The following VIT variants were observed in gnomAD, a reference collection of about 807,000 sequenced individuals.
The protein encoded by VIT is vitrin.
Under a neutral mutation model 78.0 loss-of-function variants are expected in VIT, and 99 were observed. The observed-to-expected ratio is 1.27, with a 90% CI of 1.08 to 1.50. The LOEUF (loss-of-function observed/expected upper bound fraction) is 1.50, where lower values mean the gene tolerates loss of function less well. VIT is among the 40% of genes most tolerant of loss of function. The pLI is 0.00. For missense variants in VIT, 1,126 were observed against 875.3 expected (o/e 1.29, Z -3.61); for synonymous variants, 374 against 334.3 (o/e 1.12, Z -1.29).
chr2:36,712,409 G>A (rs1341893637), intron 1 of VIT, among the ~76,000 whole-genome samples: 4 of 152,202 alleles, frequency 2.6e-5, no homozygotes, highest in African/African-American at 9.6e-5. Context: ...CTCTAAAGTT[G>A]GAGGACAGAT....
In VIT at chr2:36,808,631, G is replaced by T; in HGVS notation, c.1549G>T (p.Gly517Cys). ...GGCTGACATTGGCTTCGTCATCGACGGCTCCAGCAGTGTGGGGACGGGCAA... is the reference window on the plus strand; with the variant it reads ...GGCTGACATTGGCTTCGTCATCGACTGCTCCAGCAGTGTGGGGACGGGCAA... Reference protein sequence around the residue: ...NSADIGFVIDGSSSVGTGNFR... With the variant: ...NSADIGFVIDCSSSVGTGNFR... Residue 517 changes from glycine (G) to cysteine (C), a missense_variant, in exon 15 of 16, where the codon GGC becomes TGC. Transcript: ENST00000379242. The T allele has an allele frequency of 6.2e-7, 1 of 1,614,212 alleles. No homozygotes were observed. Among genetic ancestry groups the T allele is most frequent in the Non-Finnish European group, 8.5e-7 (1 of 1,180,044 alleles).
At position 36,765,627 on chromosome 2, in the gene VIT, A is replaced by C. The variant is rs915780498; in HGVS notation, c.488-1467A>C. On this transcript the variant is annotated intron_variant, in intron 6 of 15. Coordinates refer to ENST00000379242, the MANE Select transcript of VIT (RefSeq NM_053276.4). ...TTGGGTGGGGACACGGACCCAAACC[A>C]TATCAGAGGTCATATGACGACGGAG... Among the ~76,000 whole-genome samples the C allele has an allele frequency of 6.6e-5, 10 of 152,332 alleles. 1 individual carries two copies. Among genetic ancestry groups the C allele is most frequent in the Admixed American group, 6.5e-5 (1 of 15,304 alleles).
chr2:36,720,979 C>T (rs915910625), intron 2 of VIT, among the ~76,000 whole-genome samples: 2 of 151,586 alleles, frequency 1.3e-5, no homozygotes, highest in African/African-American at 4.9e-5. Flanking sequence ...CTTTACACTC[C>T]AGCCCGGGCA....
At chr2:36,731,951 G>T (rs554077562) in intron 3 of VIT, among the ~76,000 whole-genome samples, 3 of 152,308 alleles carry the variant, frequency 2.0e-5, no homozygotes, top group African/African-American at 7.2e-5. Flanking sequence ...AACCTTCCAT[G>T]TGAGATTTCC....
At chr2:36,793,108 C>T (rs1319577294) in intron 12 of VIT, among the ~76,000 whole-genome samples, 2 of 151,988 alleles carry the variant, frequency 1.3e-5, no homozygotes, top group African/African-American at 4.8e-5. Context: ...GCCAAGATGC[C>T]CCACTTCCCC....
intron 4 of VIT, among the ~76,000 whole-genome samples, chr2:36,745,278 T>G (rs1163027531): frequency 1.3e-5 from 2 of 152,006 alleles, no homozygotes; most frequent in African/African-American, 4.8e-5. Context: ...TTGCTTAGAG[T>G]TTTTTTGGCT....
intron 13 of VIT, among the ~76,000 whole-genome samples, chr2:36,804,584 C>A (rs1178746432): frequency 6.6e-6 from 1 of 152,188 alleles, no homozygotes. Flanking sequence ...GTAATCCCAG[C>A]ACTTTGGGAG....
rs563764132 is a variant in VIT, at chr2:36,790,119, C to T, written c.1058+2843C>T. On this transcript the variant is annotated intron_variant, in intron 12 of 15. Transcript: ENST00000379242. ...GAAAAAGGCAAAGAAAAATATAAGA[C>T]CTATAAAAATGGTCTCATTTACAAA... Among the ~76,000 whole-genome samples, 20 of 152,208 alleles carry T rather than the reference C, an allele frequency of 1.3e-4. No homozygotes were observed. In the South Asian group the frequency reaches 2.9e-3, roughly 22 times the overall value.
At chr2:36,812,027 T>TC (rs1393027928) in intron 15 of VIT, among the ~76,000 whole-genome samples, 7 of 152,258 alleles carry the variant, frequency 4.6e-5, no homozygotes, top group Non-Finnish European at 8.8e-5. Flanking sequence ...GGGCAACCTC[T>TC]CCATCTTTGA....
At chr2:36,718,022 T>C (rs112116608) in intron 2 of VIT, among the ~76,000 whole-genome samples, 1 of 152,182 alleles carries the variant, frequency 6.6e-6, no homozygotes, top group African/African-American at 2.4e-5. Context: ...CATCTTCACA[T>C]GGTATTCTCC....
At chr2:36,726,158 GA>G (rs1016436700) in intron 2 of VIT, among the ~76,000 whole-genome samples, 2 of 151,872 alleles carry the variant, frequency 1.3e-5, no homozygotes, top group African/African-American at 4.8e-5. Flanking sequence ...ATTCTATTTG[GA>G]AATTTATTTT....
intron 7 of VIT, among the ~76,000 whole-genome samples, chr2:36,767,947 T>G (rs1353494179): frequency 1.3e-5 from 2 of 152,232 alleles, no homozygotes; most frequent in Non-Finnish European, 1.5e-5. Flanking sequence ...AGTTCCACTA[T>G]TGTCTTAGCA....
chr2:36,808,983 A>C lies in VIT; in HGVS notation c.1901A>C (p.Lys634Thr). ...VRIPAMAAHL[K>T]GVITYAIGVA... ...ATCCCAGCCATGGCTGCCCATCTGA[A>C]GGGTAAGCTGGGCTTGCCAAGCAGC... is the stretch of plus-strand genomic sequence containing the variant. Residue 634 changes from lysine (K) to threonine (T), a missense_variant and splice_region_variant, in exon 15 of 16, where the codon AAG becomes ACG. Lys to Thr is a moderately conservative substitution (Grantham distance 78, BLOSUM62 -1). Transcript: ENST00000379242. 6.3e-7 allele frequency: 1 copy of C among 1,577,820 alleles called. No homozygotes were observed.
Position 36,712,252 on chromosome 2 carries a change from G to T in VIT, c.-18-4101G>T, listed in dbSNP as rs75576456. Among the ~76,000 whole-genome samples, 634 of 152,278 alleles carry T rather than the reference G, an allele frequency of 4.2e-3. 4 individuals are homozygous for T. The highest frequency in any genetic ancestry group is 0.015 in the African/African-American group (610 of 41,550). ...TGCAGCGGTGAGAAAGAAACTTCAC[G>T]TATTCTAAGATACTAGAGTGATTCT... is the stretch of plus-strand genomic sequence containing the variant. On this transcript the variant is annotated intron_variant, in intron 1 of 15. Transcript: ENST00000379242.
Position 36,770,927 on chromosome 2 carries a change from A to G in VIT, c.680-2864A>G, listed in dbSNP as rs114554618. On this transcript the variant is annotated intron_variant, in intron 7 of 15. Transcript: ENST00000379242. ...GGAATAGCGATGACAGAGATCCTCCACCTCTCTACCCTGGGCTCCACCTTC... is the reference window on the plus strand; with the variant it reads ...GGAATAGCGATGACAGAGATCCTCCGCCTCTCTACCCTGGGCTCCACCTTC... Among the ~76,000 whole-genome samples the G allele has an allele frequency of 7.9e-4, 121 of 152,268 alleles. 1 individual carries two copies. Among genetic ancestry groups the G allele is most frequent in the Non-Finnish European group, 1.5e-3 (100 of 68,022 alleles).
chr2:36,788,379 G>A (rs1452801672), intron 12 of VIT, among the ~76,000 whole-genome samples: 1 of 152,174 alleles, frequency 6.6e-6, no homozygotes, highest in East Asian at 1.9e-4. Context: ...TAAATAAAAT[G>A]CTTTATTTTC....
chr2:36,725,857 A>G (rs1397862557), intron 2 of VIT, among the ~76,000 whole-genome samples: 1 of 152,088 alleles, frequency 6.6e-6, no homozygotes, highest in African/African-American at 2.4e-5. Context: ...GGATCGCCTG[A>G]GGTCAGGAGT....
chr2:36,780,427 TA>T (rs1249343210), intron 9 of VIT, among the ~76,000 whole-genome samples: 2 of 152,210 alleles, frequency 1.3e-5, no homozygotes, highest in African/African-American at 4.8e-5. Flanking sequence ...TAGGTGGCGA[TA>T]AAGTAATAAG....
At chr2:36,713,160 A>C (rs1665910978) in intron 1 of VIT, among the ~76,000 whole-genome samples, 1 of 152,180 alleles carries the variant, frequency 6.6e-6, no homozygotes, top group East Asian at 1.9e-4. Context: ...AGGTGGGAGG[A>C]GGATTGTGAT....
Sources: allele counts gnomAD v4.1 joint callset (sites outside exome capture counted in the v4.1 genomes callset), GRCh38; gene constraint gnomAD v4.1.1; transcripts MANE v1.5; gene names NCBI Gene and HGNC (gene_info 2026-07-23, HGNC 2026-07-21).